Variants in SPINK5 observed in about 807,000 individuals in gnomAD.
SPINK5 encodes serine peptidase inhibitor Kazal type 5.
SPINK5 carries 125 observed loss-of-function variants against 151.8 expected under a neutral mutation model. The ratio of observed to expected loss-of-function variants is 0.82; its 90% CI spans 0.71 to 0.96. SPINK5 has a LOEUF of 0.96. Among genes scored for constraint, SPINK5 ranks in the 40% least tolerant of loss-of-function variants. SPINK5 has a pLI of 0.00. For missense variants in SPINK5, 1,194 were observed against 1,291.9 expected (o/e 0.92, Z 1.16); for synonymous variants, 374 against 395.3 (o/e 0.95, Z 0.64).
intron 3 of SPINK5, among the ~76,000 whole-genome samples, chr5:148,071,454 G>A (rs950938088): frequency 4.6e-5 from 7 of 151,950 alleles, no homozygotes; most frequent in African/African-American, 1.7e-4. Flanking sequence ...TTCTTTTTTT[G>A]AAAGCTGAAT....
intron 4 of SPINK5, among the ~76,000 whole-genome samples, chr5:148,085,539 G>C (rs887098497): frequency 1.3e-5 from 2 of 151,914 alleles, no homozygotes; most frequent in Admixed American, 1.3e-4. Context: ...AATGTAGGTA[G>C]GGTGTGAATT....
rs182945040 is a variant in SPINK5 at position 148,078,919 on chromosome 5, G to T, written c.282+6699G>T. Among the ~76,000 whole-genome samples, 6 of 150,492 alleles carry T rather than the reference G, an allele frequency of 4.0e-5. No homozygotes were observed. The East Asian group carries it at 1.2e-3, about 30-fold the overall frequency. On this transcript the variant is annotated intron_variant, in intron 4 of 32. Coordinates refer to ENST00000256084, the MANE Select transcript of SPINK5 (RefSeq NM_006846.4). ...GCAAGCAGAAGAAGAAACATATAAGGATTGGAGCAGAAATTAGTAAAACAC... is the reference window on the plus strand; with the variant it reads ...GCAAGCAGAAGAAGAAACATATAAGTATTGGAGCAGAAATTAGTAAAACAC...
intron 4 of SPINK5, among the ~76,000 whole-genome samples, chr5:148,085,078 CAAAT>C (rs763958636): frequency 6.6e-6 from 1 of 151,532 alleles, no homozygotes; most frequent in Non-Finnish European, 1.5e-5. Context: ...AATAAATGAA[CAAAT>C]GAATGAATGA....
intron 26 of SPINK5, among the ~76,000 whole-genome samples, chr5:148,122,747 AGC>A (rs1199933833): frequency 1.3e-5 from 2 of 152,156 alleles, no homozygotes; most frequent in South Asian, 2.1e-4. Context: ...TTTATTTAAT[AGC>A]TCTGAGATTT....
chr5:148,099,091 G>C, intron 11 of SPINK5, 143 bp from the exon 12 acceptor site: 1 of 680,564 alleles, frequency 1.5e-6, no homozygotes, highest in Admixed American at 2.6e-5. Context: ...AGGATATTTT[G>C]TTGCTTCTCA....
At chr5:148,108,719 C>T in intron 17 of SPINK5, 34 bp from the exon 18 acceptor site, 1 of 1,603,922 alleles carries the variant, frequency 6.2e-7, no homozygotes, top group South Asian at 1.1e-5. Context: ...AGTAGGGAAT[C>T]ATATTCAGCC....
At chr5:148,119,152 C>T in intron 24 of SPINK5, 94 bp downstream of exon 24, 1 of 1,248,862 alleles carries the variant, frequency 8.0e-7, no homozygotes, top group African/African-American at 1.5e-5. Context: ...CATGATCAAG[C>T]TAGAGCTTGC....
chr5:148,106,423 G>C (rs568150963), intron 16 of SPINK5, among the ~76,000 whole-genome samples: 92 of 152,238 alleles, frequency 6.0e-4, no homozygotes, highest in African/African-American at 2.1e-3. Flanking sequence ...CTGGGCTCAA[G>C]TGATCCTCCC....
intron 7 of SPINK5, among the ~76,000 whole-genome samples, chr5:148,090,391 AT>A (rs1400916436): frequency 2.6e-5 from 4 of 151,840 alleles, no homozygotes. Flanking sequence ...CAAAACAGTG[AT>A]GATAACTGGT....
chr5:148,084,891 C>T (rs1165908357), intron 4 of SPINK5, among the ~76,000 whole-genome samples: 1 of 151,864 alleles, frequency 6.6e-6, no homozygotes, highest in Non-Finnish European at 1.5e-5. Context: ...TTTGTGAGAG[C>T]ACTTACTATA....
chr5:148,113,845 TACAG>T (rs1359434750), intron 20 of SPINK5, among the ~76,000 whole-genome samples: 4 of 151,678 alleles, frequency 2.6e-5, no homozygotes, highest in Admixed American at 1.3e-4. Flanking sequence ...ACATTACTAC[TACAG>T]ACAAACTCTC....
At chr5:148,089,766 GCTTCTTTTCTTTTT>G (rs2113069532) in intron 7 of SPINK5, 145 bp downstream of exon 7, 1 of 1,226,224 alleles carries the variant, frequency 8.2e-7, no homozygotes, top group Admixed American at 2.0e-5. Flanking sequence ...TCACAGAAAG[GCTTCTTTTCTTTTT>G]CTTCTTATCA....
Position 148,125,661 on chromosome 5 carries a change from G to GA in SPINK5, c.2740-60dup, listed in dbSNP as rs775217873. 1.3e-5 allele frequency: 21 copies of GA among 1,613,952 alleles called. No individual in the cohort carries two copies. The East Asian group carries it at 1.6e-4, about 12-fold the overall frequency. Reference sequence around the variant, plus strand: ...GAGAGGACTTCCTAAAACCAAGTTTGAAGAAATCACTAAGCCAAAAAGGGA... The same window carrying GA: ...GAGAGGACTTCCTAAAACCAAGTTTGAAAGAAATCACTAAGCCAAAAAGGGA... On this transcript the variant is annotated intron_variant, in intron 28 of 32. Transcript: ENST00000256084.
At chr5:148,134,289 T>C (rs919100502) in intron 32 of SPINK5, among the ~76,000 whole-genome samples, 1 of 152,148 alleles carries the variant, frequency 6.6e-6, no homozygotes, top group Non-Finnish European at 1.5e-5. Context: ...TTACATTGTA[T>C]TAAATTATTT....
chr5:148,129,167 C>G (rs1754512052), intron 30 of SPINK5, among the ~76,000 whole-genome samples: 1 of 152,114 alleles, frequency 6.6e-6, no homozygotes, highest in Non-Finnish European at 1.5e-5. Flanking sequence ...ATAGAGCTAC[C>G]TCAGCTGTAG....
intron 21 of SPINK5, among the ~76,000 whole-genome samples, chr5:148,115,971 A>C (rs1030292006): frequency 6.6e-6 from 1 of 151,776 alleles, no homozygotes; most frequent in African/African-American, 2.4e-5. Context: ...ACAGGCATGT[A>C]CCACCACGCC....
chr5:148,124,809 C>A lies in SPINK5; in HGVS notation c.2711C>A (p.Ser904Ter). 6.2e-7 allele frequency: 1 copy of A among 1,606,908 alleles called. No individual in the cohort carries two copies. Among genetic ancestry groups the A allele is most frequent in the South Asian group, 1.1e-5 (1 of 89,890 alleles). ...AGAAAAAAGAAAGATGAAGAGAAATCAAGTAGCAAGCCCTCAAATAATGCA... is the reference window on the plus strand; with the variant it reads ...AGAAAAAAGAAAGATGAAGAGAAATAAAGTAGCAAGCCCTCAAATAATGCA... ...NERKKKDEEK[S>*]SSKPSNNAKD... is the part of the protein sequence containing the mutation. The change falls in exon 28 of 33, where the codon TCA becomes TAA. Residue 904 changes from serine to a stop codon, truncating the protein, a stop_gained. Transcript: ENST00000256084. LOFTEE classifies it high-confidence loss of function.
chr5:148,135,408 G>T (rs1203557936), intron 32 of SPINK5, among the ~76,000 whole-genome samples: 2 of 152,150 alleles, frequency 1.3e-5, no homozygotes, highest in Non-Finnish European at 2.9e-5. Context: ...TAAAGAACTT[G>T]CCATAGGTTT....
chr5:148,114,460 C>A lies in SPINK5; in HGVS notation c.1986C>A (p.Gly662=). ...PVRGPDGKTH[G]NKCAMCKAVF... ...GTGGCCCAGATGGCAAGACCCATGGCAACAAGTGTGCCATGTGTAAGGCAG... is the reference window on the plus strand; with the variant it reads ...GTGGCCCAGATGGCAAGACCCATGGAAACAAGTGTGCCATGTGTAAGGCAG... The change falls in exon 21 of 33, where the codon GGC becomes GGA. Residue 662 remains glycine, a synonymous_variant. Coordinates refer to ENST00000256084, the MANE Select transcript of SPINK5 (RefSeq NM_006846.4). 1.9e-6 allele frequency: 3 copies of A among 1,613,582 alleles called. No individual in the cohort carries two copies. Among genetic ancestry groups the A allele is most frequent in the Non-Finnish European group, 2.5e-6 (3 of 1,179,644 alleles).
Sources: gnomAD v4.1 joint callset for allele counts (sites outside exome capture counted in the v4.1 genomes callset) on GRCh38, gnomAD v4.1.1 for gene constraint, MANE v1.5 for transcripts, NCBI Gene and HGNC (gene_info 2026-07-23, HGNC 2026-07-21) for gene names.